The following LRP8 variants were observed in gnomAD, a reference collection of about 807,000 sequenced individuals.
LRP8 encodes LDL receptor related protein 8.
In LRP8, 46 loss-of-function variants were observed where a neutral mutation model predicts 111.6. The observed-to-expected ratio is 0.41, with a 90% CI of 0.33 to 0.53. The LOEUF (loss-of-function observed/expected upper bound fraction) is 0.53. Among genes scored for constraint, LRP8 ranks in the 20% least tolerant of loss-of-function variants. The pLI is 0.20. For missense variants in LRP8, 959 were observed against 1,297.4 expected, an observed-to-expected ratio of 0.74 and a Z score of 4.01; for synonymous variants, 464 against 511.2, an observed-to-expected ratio of 0.91 and a Z score of 1.24.
In LRP8 at chr1:53,276,896, C is replaced by T; in HGVS notation, c.679G>A (p.Val227Ile). 1 of 1,425,756 alleles carries T rather than the reference C, an allele frequency of 7.0e-7. No homozygotes were observed. The highest frequency in any genetic ancestry group is 9.2e-7 in the Non-Finnish European group (1 of 1,092,082). The allele number at this position is 1,425,756 out of a possible 1,614,324, so 88.3% of individuals were successfully genotyped here. The change falls in exon 5 of 19, where the codon GTC becomes ATC. Residue 227 changes from valine to isoleucine, a missense_variant. Physicochemically the swap from Val to Ile is conservative, Grantham distance 29 (BLOSUM62 3). Coordinates refer to ENST00000306052, the MANE Select transcript of LRP8 (RefSeq NM_004631.5). The stretch of plus-strand genomic sequence containing the variant: ...TCGCAGTCAAACTGGCGGTCGCAGA[C>T]CCAGCGCTCCGGGATGCAGGCGCCG... ...GGGACIPERWVCDRQFDCEDR... is the reference protein window; with the variant it reads ...GGGACIPERWICDRQFDCEDR...
At position 53,327,925 on chromosome 1, in the gene LRP8, G is replaced by T. The variant is rs1011575196; in HGVS notation, c.-13C>A. 7 of 1,203,320 alleles carry T rather than the reference G, an allele frequency of 5.8e-6. No individual in the cohort carries two copies. The Admixed American group carries it at 2.7e-4, about 46-fold the overall frequency. The allele number at this position is 1,203,320 out of a possible 1,614,324, so 74.5% of individuals were successfully genotyped here. A position where few individuals can be genotyped will look rare whatever the true frequency, so the allele number is the denominator to read the frequency against. ...CGGGGAGGCCCATGGCGGGCCCGGG[G>T]CTCCGGCCGCCGCGCCCCGCGCTCC... is the stretch of plus-strand genomic sequence containing the variant. On this transcript the variant is annotated 5_prime_UTR_variant, in exon 1 of 19. Transcript: ENST00000306052.
rs1321713624 is a variant in LRP8, at chr1:53,242,856, T to TACACAC, written c.*4161_*4162insGTGTGT. 8.9e-6 allele frequency: 1 copy of TACACAC among 111,910 alleles called. No homozygotes were observed. Among genetic ancestry groups the TACACAC allele is most frequent in the African/African-American group, 2.9e-5 (1 of 34,538 alleles). 6.9% of individuals were successfully genotyped at this position (111,910 alleles called of 1,614,324 possible). On this transcript the variant is annotated 3_prime_UTR_variant, in exon 19 of 19. Transcript: ENST00000306052. ...CTTTAAATATATATATATATATATA[T>TACACAC]ATACACACACACACACGTGGCTTTT...
Position 53,246,873 on chromosome 1 carries a change from G to A in LRP8, c.*145C>T, listed in dbSNP as rs1645741702. 7.5e-6 allele frequency: 5 copies of A among 664,996 alleles called. No individual in the cohort carries two copies. The highest frequency in any genetic ancestry group is 1.9e-5 in the African/African-American group (1 of 51,294). 41.2% of individuals were successfully genotyped at this position (664,996 alleles called of 1,614,324 possible). The stretch of plus-strand genomic sequence containing the variant: ...ATCATAACTTTGTGGTTACCTTTCC[G>A]CAACATAAATTTAAAAAAAAAATCA... On this transcript the variant is annotated 3_prime_UTR_variant, in exon 19 of 19. Coordinates refer to ENST00000306052, the MANE Select transcript of LRP8 (RefSeq NM_004631.5).
At position 53,279,631 on chromosome 1, in the gene LRP8, T is replaced by C. The variant is rs1036894060; in HGVS notation, c.496+956A>G. On this transcript the variant is annotated intron_variant, in intron 4 of 18. Coordinates refer to ENST00000306052, the MANE Select transcript of LRP8 (RefSeq NM_004631.5). This position sits in a 1 kb window ranked among gnomAD's most constrained non-coding sequence, Gnocchi z 4.4. ...ACGACTCAGACACCTCTGGAGGAGA[T>C]GGCATTTTCCCTGGGCCAGGAAAGA... 2.6e-5 allele frequency among the ~76,000 whole-genome samples: 4 copies of C among 152,170 alleles called. No homozygotes were observed. Among genetic ancestry groups the C allele is most frequent in the Non-Finnish European group, 4.4e-5 (3 of 68,018 alleles).
At chr1:53,295,685 T>G (rs1237259365) in intron 2 of LRP8, among the ~76,000 whole-genome samples, 1 of 152,166 alleles carries the variant, frequency 6.6e-6, no homozygotes, top group East Asian at 1.9e-4. Flanking sequence ...ATTTTCCCCC[T>G]TGGAGATGCA....
intron 1 of LRP8, chr1:53,327,246 A>G: frequency 1.9e-6 from 1 of 516,074 alleles, no homozygotes. Context: ...CCCTCCATTC[A>G]GACGCACTCA....
At chr1:53,302,473 G>A (rs1487171040) in intron 2 of LRP8, among the ~76,000 whole-genome samples, 1 of 152,140 alleles carries the variant, frequency 6.6e-6, no homozygotes. Flanking sequence ...GAGGCCCAGA[G>A]AGGGGAGATG....
chr1:53,257,303 G>T lies in LRP8; in HGVS notation c.2371C>A (p.Pro791Thr), dbSNP rs774825648. 39 of 1,614,020 alleles carry T rather than the reference G, an allele frequency of 2.4e-5. No individual in the cohort carries two copies. In the Admixed American group the frequency reaches 4.5e-4, roughly 19 times the overall value. ...GACGGGCTGATGCTGGGAGCCCTGG[G>T]GACACTAACTGAGCTTGGGACTGCA... is the stretch of plus-strand genomic sequence containing the variant. ...TAAVPSSVSV[P>T]RAPSISPSTL... The change falls in exon 15 of 19, where the codon CCC becomes ACC. Residue 791 changes from proline (P) to threonine (T), a missense_variant. Pro to Thr is a conservative substitution (Grantham distance 38). Transcript: ENST00000306052.
chr1:53,323,299 C>A (rs1179162046), intron 2 of LRP8, among the ~76,000 whole-genome samples: 1 of 152,190 alleles, frequency 6.6e-6, no homozygotes, highest in Non-Finnish European at 1.5e-5. Flanking sequence ...ATAGTGTTGC[C>A]CCATTTTATA....
In LRP8 at chr1:53,250,488, GGGAAGGAGGGAGGAAA is replaced by G. The variant is rs369720833; in HGVS notation, c.2676+186_2676+201del. ...GTTTGAGGAAGGAAAGAAGGAGGAAGGGAAGGAGGGAGGAAAGGAAGGAAAGAAGGAAAGAAAAAAG... is the reference window on the plus strand; with the variant it reads ...GTTTGAGGAAGGAAAGAAGGAGGAAGGGAAGGAAAGAAGGAAAGAAAAAAG... On this transcript the variant is annotated intron_variant, in intron 17 of 18. Coordinates refer to ENST00000306052, the MANE Select transcript of LRP8 (RefSeq NM_004631.5). This position sits in a 1 kb window ranked among gnomAD's most constrained non-coding sequence, Gnocchi z 4.6. Among the ~76,000 whole-genome samples the G allele has an allele frequency of 1.5e-4, 23 of 151,426 alleles. 1 individual carries two copies. The highest frequency in any genetic ancestry group is 5.3e-4 in the African/African-American group (22 of 41,184).
At chr1:53,254,307 C>T (rs1156725362) in intron 16 of LRP8, among the ~76,000 whole-genome samples, 1 of 151,966 alleles carries the variant, frequency 6.6e-6, no homozygotes, top group Non-Finnish European at 1.5e-5. Context: ...TCTAAACCCA[C>T]CCCACCCTGA....
In LRP8 at chr1:53,275,776, G is replaced by C. The variant is rs1376889673; in HGVS notation, c.884-23C>G. 6 of 1,613,000 alleles carry C rather than the reference G, an allele frequency of 3.7e-6. No homozygotes were observed. In the South Asian group the frequency reaches 5.5e-5, roughly 15 times the overall value. On this transcript the variant is annotated intron_variant, in intron 5 of 18. Transcript: ENST00000306052. This position sits in a 1 kb window ranked among gnomAD's most constrained non-coding sequence, Gnocchi z 4.4. The stretch of plus-strand genomic sequence containing the variant: ...GTGCTGCCAGGAGAGGGCAAGGGGA[G>C]AGGATCAGAGTCAGTGTGGTGCTAG...
At chr1:53,254,197 CGT>C (rs1030494031) in intron 16 of LRP8, among the ~76,000 whole-genome samples, 1 of 151,940 alleles carries the variant, frequency 6.6e-6, no homozygotes, top group African/African-American at 2.4e-5. Flanking sequence ...TACAGGATAC[CGT>C]GTGGTCATCA....
intron 13 of LRP8, 58 bp from the exon 14 acceptor site, chr1:53,258,529 CTCCTGAGGAT>C: frequency 6.5e-7 from 1 of 1,537,576 alleles, no homozygotes; most frequent in Non-Finnish European, 8.9e-7. Context: ...GTCTTCCTGC[CTCCTGAGGAT>C]GAGGCTTCTC....
rs1184794266 is a variant in LRP8 at position 53,326,881 on chromosome 1, T to C, written c.236A>G (p.Asp79Gly). Residue 79 changes from aspartate (D) to glycine (G), a missense_variant, in exon 2 of 19, where the codon GAC (aspartate) becomes GGC (glycine). Physicochemically the swap from Asp to Gly is moderately conservative, Grantham distance 94 (BLOSUM62 -1). Transcript: ENST00000306052. Reference sequence around the variant, plus strand: ...CCTGGCCCGCCACTCACGGCAGTCGTCCTCGTCGCTGTGGTCTAAGCAGTC... The same window carrying C: ...CCTGGCCCGCCACTCACGGCAGTCGCCCTCGTCGCTGTGGTCTAAGCAGTC... ...DDDCLDHSDEDDCPKKTCADS... is the reference protein window; with the variant it reads ...DDDCLDHSDEGDCPKKTCADS... The C allele has an allele frequency of 6.2e-7, 1 of 1,612,804 alleles. No homozygotes were observed. Among genetic ancestry groups the C allele is most frequent in the East Asian group, 2.2e-5 (1 of 44,776 alleles).
In LRP8 at chr1:53,246,726, G is replaced by A. The variant is rs1645738112; in HGVS notation, c.*292C>T. ...GTGCCATTGGCCCCCATTTGGTTATGTGCATCATGTTAGTCAGCAGTAGCC... is the reference window on the plus strand; with the variant it reads ...GTGCCATTGGCCCCCATTTGGTTATATGCATCATGTTAGTCAGCAGTAGCC... On this transcript the variant is annotated 3_prime_UTR_variant, in exon 19 of 19. Transcript: ENST00000306052. The A allele has an allele frequency of 2.5e-6, 1 of 398,200 alleles. No homozygotes were observed. Among genetic ancestry groups the A allele is most frequent in the Non-Finnish European group, 4.5e-6 (1 of 223,374 alleles). The allele number at this position is 398,200 out of a possible 1,614,324, so 24.7% of individuals were successfully genotyped here.
Position 53,277,001 on chromosome 1 carries a change from AGTC to A in LRP8, c.571_573del (p.Asp191del). On this transcript the variant is annotated inframe_deletion, in exon 5 of 19. Coordinates refer to ENST00000306052, the MANE Select transcript of LRP8 (RefSeq NM_004631.5). ...CCGCGCTCATCGCTGCCGTCACCACAGTCGTCGTCGCCGTCGCACACGAACACG... is the reference window on the plus strand; with the variant it reads ...CCGCGCTCATCGCTGCCGTCACCACAGTCGTCGCCGTCGCACACGAACACG... The A allele has an allele frequency of 1.3e-6, 2 of 1,516,592 alleles. No homozygotes were observed. The highest frequency in any genetic ancestry group is 1.2e-5 in the South Asian group (1 of 83,626). The allele number at this position is 1,516,592 out of a possible 1,614,324, so 93.9% of individuals were successfully genotyped here. A position where few individuals can be genotyped will look rare whatever the true frequency, so the allele number is the denominator to read the frequency against.
Position 53,309,397 on chromosome 1 carries a change from G to A in LRP8, c.244+17476C>T, listed in dbSNP as rs11808280. 5.5e-3 allele frequency among the ~76,000 whole-genome samples: 842 copies of A among 152,280 alleles called. 7 individuals carry two copies. The highest frequency in any genetic ancestry group is 0.019 in the African/African-American group (807 of 41,546). ...CTCATCATCTCATTTAATCTTCCCA[G>A]CCAACAGCCCTTTGAGGTAGGGCCT... On this transcript the variant is annotated intron_variant, in intron 2 of 18. Transcript: ENST00000306052.
Position 53,249,448 on chromosome 1 carries a change from C to T in LRP8, c.2785G>A (p.Glu929Lys), listed in dbSNP as rs1252581557. The change falls in exon 18 of 19, where the codon GAA (glutamate) becomes AAA (lysine). Residue 929 changes from glutamate (E) to lysine (K), a missense_variant. Glu to Lys is a moderately conservative substitution (Grantham distance 56). This residue lies in a region of LRP8 where 819 missense variants were observed against 1,097.6 expected (regional missense o/e 0.75). Transcript: ENST00000306052. The surrounding 1 kb of genome is among the most constrained non-coding windows in gnomAD (Gnocchi z 4.1). ...AGTTGGTGCAGCTGTGACCTTGGTT[C>T]CCCCGGCAAGACAAAAAGCTCCTTG... ...ALKELFVLPG[E>K]PRSQLHQLPK... 13 of 1,614,038 alleles carry T rather than the reference C, an allele frequency of 8.1e-6. No individual in the cohort carries two copies. Among genetic ancestry groups the T allele is most frequent in the African/African-American group, 2.7e-5 (2 of 74,920 alleles).
Sources: allele counts gnomAD v4.1 joint callset (sites outside exome capture counted in the v4.1 genomes callset), GRCh38; gene constraint gnomAD v4.1.1; regional missense constraint gnomAD v4.1.1; non-coding constraint Gnocchi (gnomAD v3.1); transcripts MANE v1.5; gene names NCBI Gene and HGNC (gene_info 2026-07-23, HGNC 2026-07-21).